DMRT1: variants seen among roughly 807,000 people sequenced by gnomAD.
DMRT1 encodes doublesex- and mab-3-related transcription factor 1.
DMRT1 carries 7 observed loss-of-function variants against 32.3 expected under a neutral mutation model. That is an observed-to-expected ratio of 0.22 (90% CI 0.12 to 0.41). The LOEUF (loss-of-function observed/expected upper bound fraction) is 0.41, where lower values mean the gene tolerates loss of function less well. DMRT1 is among the 10% of genes least tolerant of loss of function. The pLI, the probability that DMRT1 is intolerant of heterozygous loss-of-function variation, is 1.00. For missense variants in DMRT1, 625 were observed against 500.5 expected (o/e 1.25, Z -2.37); for synonymous variants, 278 against 206.1 (o/e 1.35, Z -2.99).
chr9:913,763 C>T (rs1397435301), intron 3 of DMRT1, among the ~76,000 whole-genome samples: 2 of 151,972 alleles, frequency 1.3e-5, no homozygotes, highest in Non-Finnish European at 2.9e-5. Context: ...CGTGGTGGGG[C>T]ATGTCTGTAG....
chr9:953,021 A>G (rs1189371340), intron 4 of DMRT1, among the ~76,000 whole-genome samples: 1 of 152,206 alleles, frequency 6.6e-6, no homozygotes, highest in Non-Finnish European at 1.5e-5. Flanking sequence ...AAAGATACAC[A>G]TCTTTGAAAT....
At chr9:937,140 T>C (rs536422059) in intron 4 of DMRT1, among the ~76,000 whole-genome samples, 40 of 152,366 alleles carry the variant, frequency 2.6e-4, no homozygotes, top group Middle Eastern at 6.8e-3. Flanking sequence ...AGCACGGTGT[T>C]TTCAAGGTTC....
chr9:843,951 G>T (rs1838797388), intron 1 of DMRT1, among the ~76,000 whole-genome samples: 1 of 152,024 alleles, frequency 6.6e-6, no homozygotes, highest in Non-Finnish European at 1.5e-5. Context: ...GAATACACTG[G>T]GTGTGGCAGT....
chr9:880,252 G>C (rs1056024389), intron 2 of DMRT1, among the ~76,000 whole-genome samples: 1 of 152,180 alleles, frequency 6.6e-6, no homozygotes, highest in African/African-American at 2.4e-5. Flanking sequence ...AAGGCTGTGT[G>C]AGTCCTTCCC....
intron 4 of DMRT1, among the ~76,000 whole-genome samples, chr9:943,250 CAG>C (rs1378638068): frequency 6.6e-6 from 1 of 152,186 alleles, no homozygotes; most frequent in Non-Finnish European, 1.5e-5. Context: ...GAGGATAAAA[CAG>C]AGTATTTACC....
chr9:945,849 G>A (rs1001530981), intron 4 of DMRT1, among the ~76,000 whole-genome samples: 1 of 151,044 alleles, frequency 6.6e-6, no homozygotes, highest in Non-Finnish European at 1.5e-5. Flanking sequence ...AACTCTTGAT[G>A]TGTGTTGTTC....
Position 968,233 on chromosome 9 carries a change from C to T in DMRT1, c.*94C>T. On this transcript the variant is annotated 3_prime_UTR_variant, in exon 5 of 5. Coordinates refer to ENST00000382276, the MANE Select transcript of DMRT1 (RefSeq NM_021951.3). ...AATATTTTGCATTGACTCATACTAT[C>T]TTAACTGTTGAGAACGTATTTGGTT... is the stretch of plus-strand genomic sequence containing the variant. The T allele has an allele frequency of 1.4e-6, 2 of 1,456,106 alleles. No homozygotes were observed. The highest frequency in any genetic ancestry group is 2.3e-4 in the Middle Eastern group (1 of 4,286). 90.2% of individuals were successfully genotyped at this position (1,456,106 alleles called of 1,614,324 possible). A position where few individuals can be genotyped will look rare whatever the true frequency, so the allele number is the denominator to read the frequency against.
intron 4 of DMRT1, among the ~76,000 whole-genome samples, chr9:920,012 G>C (rs188643913): frequency 1.3e-5 from 2 of 152,264 alleles, no homozygotes; most frequent in Non-Finnish European, 2.9e-5. Flanking sequence ...TCCAATTATT[G>C]AGGTAAAGAA....
intron 2 of DMRT1, among the ~76,000 whole-genome samples, chr9:888,471 C>T (rs1329869411): frequency 6.6e-6 from 1 of 151,962 alleles, no homozygotes; most frequent in Admixed American, 6.6e-5. Context: ...CATGCCCAGC[C>T]AATTTTTATA....
rs560022340 is a variant in DMRT1 at position 871,763 on chromosome 9, C to T, written c.539-22149C>T. On this transcript the variant is annotated intron_variant, in intron 2 of 4. Coordinates refer to ENST00000382276, the MANE Select transcript of DMRT1 (RefSeq NM_021951.3). ...TGCTGGGATTACAGGCGTGAGCAAC[C>T]GTGCCTGGCCGGCCTAGTCTTTGAA... Among the ~76,000 whole-genome samples, 7 of 150,928 alleles carry T rather than the reference C, an allele frequency of 4.6e-5. No homozygotes were observed. The South Asian group carries it at 8.3e-4, about 18-fold the overall frequency.
intron 2 of DMRT1, among the ~76,000 whole-genome samples, chr9:858,772 G>A (rs983424367): frequency 3.3e-5 from 5 of 151,076 alleles, no homozygotes; most frequent in Admixed American, 1.3e-4. Context: ...TACTTGTGAG[G>A]CTAAGGCAGG....
chr9:864,154 G>C (rs978757880), intron 2 of DMRT1, among the ~76,000 whole-genome samples: 10 of 152,024 alleles, frequency 6.6e-5, no homozygotes, highest in Non-Finnish European at 1.5e-4. Flanking sequence ...AATGGCCATA[G>C]AATGGCTAAA....
chr9:922,002 T>C (rs889024808), intron 4 of DMRT1, among the ~76,000 whole-genome samples: 4 of 152,014 alleles, frequency 2.6e-5, no homozygotes, highest in African/African-American at 9.7e-5. Context: ...CACCTCAGCC[T>C]CCCGGGTAGC....
intron 1 of DMRT1, among the ~76,000 whole-genome samples, chr9:845,651 C>T (rs1480316792): frequency 6.6e-6 from 1 of 152,130 alleles, no homozygotes; most frequent in East Asian, 1.9e-4. Context: ...TTCCTCCCTG[C>T]CTTCAGCCTC....
intron 3 of DMRT1, among the ~76,000 whole-genome samples, chr9:912,587 A>C (rs1021188280): frequency 2.0e-5 from 3 of 152,234 alleles, no homozygotes; most frequent in Non-Finnish European, 4.4e-5. Flanking sequence ...AGTAAGCGTT[A>C]GTTAAAAAAA....
chr9:841,751 G>A lies in DMRT1; in HGVS notation c.-88G>A. The stretch of plus-strand genomic sequence containing the variant: ...CACGTCTCCTGCGCCTCCTCCTCCG[G>A]AGCGTCGCTGTCCGTCGGGTTCATC... On this transcript the variant is annotated 5_prime_UTR_variant, in exon 1 of 5. Transcript: ENST00000382276. The A allele has an allele frequency of 6.5e-7, 1 of 1,548,544 alleles. No homozygotes were observed. The highest frequency in any genetic ancestry group is 1.2e-5 in the South Asian group (1 of 84,128).
chr9:873,213 T>G (rs73384482), intron 2 of DMRT1, among the ~76,000 whole-genome samples: 1,827 of 152,364 alleles, frequency 0.012, 41 homozygotes, highest in African/African-American at 0.041. Context: ...TTTGTCTGTC[T>G]TCTTTAGAGA....
intron 3 of DMRT1, among the ~76,000 whole-genome samples, chr9:895,893 C>T (rs932610628): frequency 5.9e-5 from 9 of 151,494 alleles, no homozygotes; most frequent in Non-Finnish European, 1.0e-4. Context: ...CAACCTCTGC[C>T]TCCCGGGTTC....
Position 890,050 on chromosome 9 carries a change from G to A in DMRT1, c.539-3862G>A, listed in dbSNP as rs1237864778. On this transcript the variant is annotated intron_variant, in intron 2 of 4. Transcript: ENST00000382276. ...GACATGACCTTGAAAACAAAAGAAT[G>A]ATATAGAAAACCACCACTTAACGCC... Among the ~76,000 whole-genome samples the A allele has an allele frequency of 3.4e-5, 5 of 147,998 alleles. 1 individual carries two copies. The highest frequency in any genetic ancestry group is 1.0e-4 in the African/African-American group (4 of 40,056).
Sources: gnomAD v4.1 joint callset for allele counts (sites outside exome capture counted in the v4.1 genomes callset) on GRCh38, gnomAD v4.1.1 for gene constraint, MANE v1.5 for transcripts, NCBI Gene and HGNC (gene_info 2026-07-23, HGNC 2026-07-21) for gene names.